Variants in PDE11A observed in about 807,000 individuals in gnomAD.
The protein encoded by PDE11A is dual 3',5'-cyclic-AMP and -GMP phosphodiesterase 11A.
PDE11A carries 100 observed loss-of-function variants against 100.5 expected under a neutral mutation model. The observed-to-expected ratio is 1.00, with a 90% CI of 0.85 to 1.18. PDE11A has a LOEUF of 1.18. Among genes scored for constraint, PDE11A ranks in the 50% most tolerant of loss-of-function variants. The pLI, the probability that PDE11A is intolerant of heterozygous loss-of-function variation, is 0.00. For missense variants in PDE11A, 1,141 were observed against 1,152.6 expected, an observed-to-expected ratio of 0.99 and a Z score of 0.15; for synonymous variants, 381 against 420.8, an observed-to-expected ratio of 0.91 and a Z score of 1.16.
At chr2:178,099,784 C>T (rs1214330925) in intron 2 of PDE11A, among the ~76,000 whole-genome samples, 1 of 152,116 alleles carries the variant, frequency 6.6e-6, no homozygotes, top group South Asian at 2.1e-4. Context: ...AGAATGAAAA[C>T]ACGGACTCGA....
chr2:177,734,784 G>A (rs1251361100), intron 10 of PDE11A, among the ~76,000 whole-genome samples: 2 of 152,198 alleles, frequency 1.3e-5, no homozygotes, highest in African/African-American at 4.8e-5. Flanking sequence ...CTTGGAAATA[G>A]GAAATAGTAA....
At chr2:178,057,960 C>T (rs761261141) in intron 1 of PDE11A, among the ~76,000 whole-genome samples, 17 of 152,096 alleles carry the variant, frequency 1.1e-4, no homozygotes, top group African/African-American at 2.2e-4. Flanking sequence ...TGGGTTCAAG[C>T]GATTCTCCTG....
chr2:177,787,915 T>C (rs1481751048), intron 9 of PDE11A, among the ~76,000 whole-genome samples: 1 of 152,124 alleles, frequency 6.6e-6, no homozygotes, highest in Non-Finnish European at 1.5e-5. Context: ...ACAAAGAGAC[T>C]TAGACTTCCA....
Position 177,727,651 on chromosome 2 carries a change from C to T in PDE11A, c.2043+7G>A, listed in dbSNP as rs79494531. ...AATGATCTTCCACCATCACTAAGCA[C>T]ACTTACGGTTAACATCGCGAACATC... On this transcript the variant is annotated splice_region_variant and intron_variant, in intron 12 of 19. Coordinates refer to ENST00000286063, the MANE Select transcript of PDE11A (RefSeq NM_016953.4). 1,309 of 1,501,398 alleles carry T rather than the reference C, an allele frequency of 8.7e-4. 4 individuals are homozygous for T. Among genetic ancestry groups the T allele is most frequent in the Non-Finnish European group, 4.0e-4 (426 of 1,077,208 alleles). 93.0% of individuals were successfully genotyped at this position (1,501,398 alleles called of 1,614,324 possible).
At chr2:177,908,678 G>A (rs1200083425) in intron 2 of PDE11A, among the ~76,000 whole-genome samples, 2 of 152,130 alleles carry the variant, frequency 1.3e-5, no homozygotes, top group Non-Finnish European at 2.9e-5. Context: ...CTATAGCGTG[G>A]AAAATGAATC....
chr2:177,990,196 A>T (rs1241067723), intron 2 of PDE11A, among the ~76,000 whole-genome samples: 1 of 152,200 alleles, frequency 6.6e-6, no homozygotes, highest in African/African-American at 2.4e-5. Flanking sequence ...ATTAGTAACC[A>T]TGTACTCTTT....
intron 4 of PDE11A, among the ~76,000 whole-genome samples, chr2:177,883,367 A>T (rs1191855085): frequency 1.3e-5 from 2 of 152,284 alleles, no homozygotes; most frequent in South Asian, 2.1e-4. Context: ...TCATTTATTC[A>T]TGCAGTCAGC....
At chr2:177,965,649 T>C (rs2085689058) in intron 2 of PDE11A, among the ~76,000 whole-genome samples, 1 of 152,230 alleles carries the variant, frequency 6.6e-6, no homozygotes, top group South Asian at 2.1e-4. Flanking sequence ...TTGTCAACTT[T>C]GTCGAAGATC....
intron 10 of PDE11A, among the ~76,000 whole-genome samples, chr2:177,765,974 T>A (rs1032340722): frequency 6.6e-6 from 1 of 152,232 alleles, no homozygotes; most frequent in Non-Finnish European, 1.5e-5. Context: ...TTTGTCAGCA[T>A]TGGATGAATC....
chr2:177,838,928 T>C (rs2083445818), intron 6 of PDE11A, among the ~76,000 whole-genome samples: 1 of 152,050 alleles, frequency 6.6e-6, no homozygotes, highest in Admixed American at 6.5e-5. Flanking sequence ...GGGTAGTCAG[T>C]GTTAGGATAG....
At chr2:177,875,602 C>G (rs1321794043) in intron 5 of PDE11A, among the ~76,000 whole-genome samples, 1 of 151,784 alleles carries the variant, frequency 6.6e-6, no homozygotes, top group Non-Finnish European at 1.5e-5. Context: ...AGGATGGTCT[C>G]GATCTCCTGA....
intron 9 of PDE11A, among the ~76,000 whole-genome samples, chr2:177,808,130 A>G (rs1233201471): frequency 6.6e-6 from 1 of 152,218 alleles, no homozygotes; most frequent in Non-Finnish European, 1.5e-5. Context: ...TATTGATGTC[A>G]ATAGTGGAGA....
intron 12 of PDE11A, among the ~76,000 whole-genome samples, chr2:177,722,891 T>C (rs1408031719): frequency 6.6e-6 from 1 of 152,134 alleles, no homozygotes; most frequent in Non-Finnish European, 1.5e-5. Context: ...AATGTAAAAA[T>C]GATGTTTGAT....
intron 2 of PDE11A, among the ~76,000 whole-genome samples, chr2:178,079,298 C>G (rs2087254375): frequency 6.6e-6 from 1 of 152,010 alleles, no homozygotes; most frequent in Admixed American, 6.6e-5. Context: ...CTCCCCCGTC[C>G]CCTTGATGGG....
chr2:177,835,931 C>A (rs1184746226), intron 6 of PDE11A, among the ~76,000 whole-genome samples: 10 of 152,230 alleles, frequency 6.6e-5, no homozygotes. Context: ...TCGGGACCTG[C>A]AGCCTGCCAT....
intron 1 of PDE11A, among the ~76,000 whole-genome samples, chr2:178,028,999 A>G (rs181646334): frequency 1.2e-4 from 18 of 152,312 alleles, no homozygotes; most frequent in Admixed American, 1.0e-3. Flanking sequence ...ACTCCTTCAG[A>G]TGGCATTTCA....
chr2:177,883,043 G>A (rs1054943884), intron 4 of PDE11A, among the ~76,000 whole-genome samples: 3 of 152,066 alleles, frequency 2.0e-5, no homozygotes, highest in Admixed American at 2.0e-4. Context: ...GTCAAGGTGG[G>A]TAGATAACTG....
At chr2:177,997,279 A>T (rs1411879697) in intron 2 of PDE11A, 2 of 1,111,488 alleles carry the variant, frequency 1.8e-6, no homozygotes, top group African/African-American at 1.5e-5. Context: ...TCTCATAATT[A>T]AAGTTGCCCA....
chr2:178,064,372 G>A (rs2087015853), intron 1 of PDE11A, among the ~76,000 whole-genome samples: 1 of 152,154 alleles, frequency 6.6e-6, no homozygotes, highest in African/African-American at 2.4e-5. Context: ...CTGTCTTTGG[G>A]GATACAGAAT....
Sources: gnomAD v4.1 joint callset for allele counts (sites outside exome capture counted in the v4.1 genomes callset) on GRCh38, gnomAD v4.1.1 for gene constraint, MANE v1.5 for transcripts, NCBI Gene and HGNC (gene_info 2026-07-23, HGNC 2026-07-21) for gene names.